Variants in GTF3C1 observed in about 807,000 individuals in gnomAD.
GTF3C1 encodes general transcription factor IIIC subunit 1.
GTF3C1 carries 57 observed loss-of-function variants against 226.7 expected under a neutral mutation model. The ratio of observed to expected loss-of-function variants is 0.25; its 90% CI spans 0.20 to 0.31. GTF3C1 has a LOEUF of 0.31. Among genes scored for constraint, GTF3C1 ranks in the 10% least tolerant of loss-of-function variants. The probability of loss-of-function intolerance (pLI) is 1.00; values close to 1 mark genes in which losing one functional copy is unlikely to be tolerated. For synonymous variants in GTF3C1, 1,090 were observed against 1,084.8 expected, an observed-to-expected ratio of 1.00 and a Z score of -0.09; for missense variants, 2,217 against 2,776.1, an observed-to-expected ratio of 0.80 and a Z score of 4.53.
intron 10 of GTF3C1, among the ~76,000 whole-genome samples, chr16:27,504,377 T>G (rs1220790627): frequency 1.3e-5 from 2 of 152,208 alleles, no homozygotes; most frequent in African/African-American, 4.8e-5. Context: ...GCCCGGCCTC[T>G]CTGGTTAGAA....
At chr16:27,523,974 C>A (rs1041571043) in intron 6 of GTF3C1, among the ~76,000 whole-genome samples, 2 of 152,198 alleles carry the variant, frequency 1.3e-5, no homozygotes, top group African/African-American at 4.8e-5. Flanking sequence ...CCAAAACCAC[C>A]ACTGTCTGTG....
At chr16:27,499,881 G>C (rs2088379357) in intron 12 of GTF3C1, among the ~76,000 whole-genome samples, 1 of 152,210 alleles carries the variant, frequency 6.6e-6, no homozygotes, top group African/African-American at 2.4e-5. Flanking sequence ...GGGTGCCAGA[G>C]AAAGTCCTGC....
intron 1 of GTF3C1, among the ~76,000 whole-genome samples, 179 bp from the exon 2 acceptor site, chr16:27,545,702 C>T (rs921204888): frequency 5.9e-5 from 9 of 152,310 alleles, no homozygotes; most frequent in South Asian, 4.1e-4. Context: ...TCCCACAGAA[C>T]GCAGACCTTT....
At chr16:27,495,032 G>T (rs2088294887) in intron 15 of GTF3C1, 124 bp from the exon 16 acceptor site, 1 of 927,032 alleles carries the variant, frequency 1.1e-6, no homozygotes, top group Non-Finnish European at 1.7e-6. Context: ...AACTCTACTT[G>T]TCAGGCAGGA....
At chr16:27,501,698 T>C (rs1454365945) in intron 11 of GTF3C1, among the ~76,000 whole-genome samples, 2 of 152,244 alleles carry the variant, frequency 1.3e-5, no homozygotes, top group African/African-American at 4.8e-5. Flanking sequence ...AGGGCTGCTC[T>C]GGTTTATCAC....
intron 6 of GTF3C1, among the ~76,000 whole-genome samples, chr16:27,520,364 C>T (rs2088726643): frequency 6.6e-6 from 1 of 152,156 alleles, no homozygotes; most frequent in African/African-American, 2.4e-5. Flanking sequence ...ATCCACCTGC[C>T]TCGACCTCCC....
At chr16:27,525,002 A>C (rs1217889789) in intron 6 of GTF3C1, among the ~76,000 whole-genome samples, 3 of 152,006 alleles carry the variant, frequency 2.0e-5, no homozygotes, top group Non-Finnish European at 2.9e-5. Flanking sequence ...AAAAATACAA[A>C]AATTAGCTGG....
chr16:27,480,890 C>T, intron 27 of GTF3C1, 189 bp downstream of exon 27: 1 of 555,034 alleles, frequency 1.8e-6, no homozygotes, highest in Non-Finnish European at 3.2e-6. Context: ...ACATAAATGC[C>T]CGGCAGGGTG....
At chr16:27,501,692 C>T (rs542571294) in intron 11 of GTF3C1, among the ~76,000 whole-genome samples, 1 of 152,360 alleles carries the variant, frequency 6.6e-6, no homozygotes, top group African/African-American at 2.4e-5. Flanking sequence ...CAGATAAGGG[C>T]TGCTCTGGTT....
intron 32 of GTF3C1, chr16:27,465,868 C>G (rs1386137206): frequency 3.0e-6 from 1 of 330,936 alleles, no homozygotes; most frequent in South Asian, 3.4e-5. Context: ...AGTGCTCTGA[C>G]GGGGAGTCCC....
intron 24 of GTF3C1, among the ~76,000 whole-genome samples, chr16:27,484,670 G>C (rs892900250): frequency 5.3e-5 from 8 of 152,204 alleles, no homozygotes; most frequent in African/African-American, 1.9e-4. Context: ...GGGAATCATG[G>C]GGATGCAAAG....
intron 5 of GTF3C1, among the ~76,000 whole-genome samples, chr16:27,529,437 T>C (rs2088882211): frequency 7.0e-6 from 1 of 143,430 alleles, no homozygotes; most frequent in African/African-American, 2.7e-5. Context: ...TGAGACTCTG[T>C]TTCAAAAAAA....
chr16:27,525,830 T>G (rs541687801), intron 6 of GTF3C1, among the ~76,000 whole-genome samples: 1 of 152,364 alleles, frequency 6.6e-6, no homozygotes, highest in Non-Finnish European at 1.5e-5. Flanking sequence ...TGGGTTTCCT[T>G]GGAATTAATA....
At position 27,484,370 on chromosome 16, in the gene GTF3C1, G is replaced by T; in HGVS notation, c.3859-17C>A. The T allele has an allele frequency of 6.3e-7, 1 of 1,589,220 alleles. No homozygotes were observed. The highest frequency in any genetic ancestry group is 8.6e-7 in the Non-Finnish European group (1 of 1,158,384). Reference sequence around the variant, plus strand: ...GCCCTTCACCTGGATCAAACACAGAGCCAAGACAAAAAGTCAGTATCCTCA... The same window carrying T: ...GCCCTTCACCTGGATCAAACACAGATCCAAGACAAAAAGTCAGTATCCTCA... On this transcript the variant is annotated splice_polypyrimidine_tract_variant and intron_variant, in intron 24 of 36. Transcript: ENST00000356183.
chr16:27,519,485 A>G (rs2088712702), intron 6 of GTF3C1, among the ~76,000 whole-genome samples: 1 of 152,158 alleles, frequency 6.6e-6, no homozygotes, highest in African/African-American at 2.4e-5. Context: ...ACCTTTAGCC[A>G]GTGTCCCAGC....
chr16:27,517,762 C>T (rs545991544), intron 6 of GTF3C1, among the ~76,000 whole-genome samples: 7 of 152,266 alleles, frequency 4.6e-5, no homozygotes, highest in East Asian at 1.9e-4. Flanking sequence ...TCGGTGTTTT[C>T]GGAAGTGATT....
chr16:27,478,485 C>T lies in GTF3C1; in HGVS notation c.4243G>A (p.Glu1415Lys). The change falls in exon 28 of 37, where the codon GAG becomes AAG. Residue 1415 changes from glutamate to lysine, a missense_variant. This residue lies in a region of GTF3C1 where 546 missense variants were observed against 663.0 expected (regional missense o/e 0.82). Coordinates refer to ENST00000356183, the MANE Select transcript of GTF3C1 (RefSeq NM_001520.4). Reference protein sequence around the residue: ...IGDEKDQTRKEDELNSVDDIH... With the variant: ...IGDEKDQTRKKDELNSVDDIH... Reference sequence around the variant, plus strand: ...AGTACTTACCTGTTAAGTTCATCCTCTTTCCTGGTTTGATCTTTTTCATCC... The same window carrying T: ...AGTACTTACCTGTTAAGTTCATCCTTTTTCCTGGTTTGATCTTTTTCATCC... 6.2e-7 allele frequency: 1 copy of T among 1,609,080 alleles called. No homozygotes were observed. The highest frequency in any genetic ancestry group is 1.1e-5 in the South Asian group (1 of 90,980).
rs1415234544 is a variant in GTF3C1 at position 27,492,553 on chromosome 16, G to T, written c.2974-38C>A. The T allele has an allele frequency of 1.3e-6, 2 of 1,568,202 alleles. No individual in the cohort carries two copies. Among genetic ancestry groups the T allele is most frequent in the African/African-American group, 1.3e-5 (1 of 74,126 alleles). On this transcript the variant is annotated intron_variant, in intron 18 of 36. Transcript: ENST00000356183. The surrounding 1 kb of genome is among the most constrained non-coding windows in gnomAD (Gnocchi z 5.0). ...ACCAGACAGGGAGAACCCACATTGG[G>T]TCTGGCTGCTTGGAGACCGTTTAAC...
intron 14 of GTF3C1, among the ~76,000 whole-genome samples, chr16:27,497,206 G>A (rs929435361): frequency 6.6e-6 from 1 of 152,248 alleles, no homozygotes; most frequent in Non-Finnish European, 1.5e-5. Flanking sequence ...AATGAGGGAT[G>A]AGGGAACCCA....
Sources: allele counts gnomAD v4.1 joint callset (sites outside exome capture counted in the v4.1 genomes callset), GRCh38; gene constraint gnomAD v4.1.1; regional missense constraint gnomAD v4.1.1; non-coding constraint Gnocchi (gnomAD v3.1); transcripts MANE v1.5; gene names NCBI Gene and HGNC (gene_info 2026-07-23, HGNC 2026-07-21).